Variants in RBFOX1 observed in about 807,000 individuals in gnomAD.
The protein encoded by RBFOX1 is RNA binding fox-1 homolog 1, also known as RNA binding protein fox-1 homolog 1.
A neutral mutation model predicts 57.7 loss-of-function variants in RBFOX1; 8 were observed. The observed-to-expected ratio is 0.14, with a 90% CI of 0.08 to 0.25. The LOEUF (loss-of-function observed/expected upper bound fraction) is 0.25. RBFOX1 is among the 10% of genes least tolerant of loss of function. RBFOX1 has a pLI of 1.00. For missense variants in RBFOX1, 611 were observed against 548.5 expected, an observed-to-expected ratio of 1.11 and a Z score of -1.14; for synonymous variants, 326 against 222.4, an observed-to-expected ratio of 1.47 and a Z score of -4.15.
chr16:6,632,232 C>G (rs17721516), intron 2 of RBFOX1, among the ~76,000 whole-genome samples: 5,426 of 151,980 alleles, frequency 0.036, 152 homozygotes, highest in Non-Finnish European at 0.048. Flanking sequence ...ACTTTAGAGT[C>G]TGTTTTCCCT....
intron 3 of RBFOX1, among the ~76,000 whole-genome samples, chr16:6,884,714 A>T (rs187744789): frequency 1.5e-4 from 23 of 152,300 alleles, no homozygotes; most frequent in African/African-American, 4.6e-4. Context: ...CTTGGGCAAC[A>T]TGACGAAACC....
rs548297161 is a variant in RBFOX1, at chr16:5,539,448, C to T, written c.259-59454C>T. Among the ~76,000 whole-genome samples the T allele has an allele frequency of 1.5e-3, 218 of 147,100 alleles. 1 individual carries two copies. Among genetic ancestry groups the T allele is most frequent in the African/African-American group, 5.0e-3 (201 of 40,584 alleles). The stretch of plus-strand genomic sequence containing the variant: ...TCTCTACTGAAAATACAAAATTAGC[C>T]GGGTGTAGTGGAAAAATACAAAAAA... On this transcript the variant is annotated intron_variant, in intron 2 of 2. Transcript: ENST00000585867.
chr16:7,682,994 C>T (rs375421791), intron 14 of RBFOX1, among the ~76,000 whole-genome samples: 3 of 5,936 alleles, frequency 5.1e-4, no homozygotes, highest in African/African-American at 2.7e-3. Context: ...CTTAATACTT[C>T]TATGTGTGTG....
intron 3 of RBFOX1, among the ~76,000 whole-genome samples, chr16:6,823,706 A>G (rs1238058304): frequency 2.0e-5 from 3 of 151,962 alleles, no homozygotes; most frequent in African/African-American, 7.3e-5. Context: ...TCATTTGTTC[A>G]TTCATTCATT....
At chr16:6,401,000 C>A (rs996408127) in intron 2 of RBFOX1, among the ~76,000 whole-genome samples, 1 of 152,216 alleles carries the variant, frequency 6.6e-6, no homozygotes, top group Admixed American at 6.5e-5. Context: ...TAGAAATACA[C>A]AAAACTTGGA....
At chr16:7,514,443 G>A (rs1190050392) in intron 4 of RBFOX1, among the ~76,000 whole-genome samples, 2 of 152,144 alleles carry the variant, frequency 1.3e-5, no homozygotes, top group East Asian at 1.9e-4. Flanking sequence ...CCATGGAGAT[G>A]GGACAGGGAA....
At chr16:7,688,107 G>C (rs552618132) in intron 14 of RBFOX1, among the ~76,000 whole-genome samples, 1 of 152,152 alleles carries the variant, frequency 6.6e-6, no homozygotes, top group East Asian at 1.9e-4. Context: ...CGTACAGGTA[G>C]AATTGGATTT....
At chr16:6,653,821 A>C (rs2098622110) in intron 2 of RBFOX1, among the ~76,000 whole-genome samples, 1 of 150,378 alleles carries the variant, frequency 6.6e-6, no homozygotes, top group Non-Finnish European at 1.5e-5. Context: ...TGAATGGGAG[A>C]AGGATGCAGG....
intron 4 of RBFOX1, among the ~76,000 whole-genome samples, chr16:7,230,571 C>A (rs746006914): frequency 6.6e-6 from 1 of 152,136 alleles, no homozygotes; most frequent in African/African-American, 2.4e-5. Context: ...GAAAGGAAAG[C>A]AAGGTTCGTT....
intron 1 of RBFOX1, among the ~76,000 whole-genome samples, chr16:6,269,247 C>G (rs1393367090): frequency 6.6e-6 from 1 of 152,024 alleles, no homozygotes; most frequent in Non-Finnish European, 1.5e-5. Flanking sequence ...AGTTGTTATA[C>G]TGTCATTTAA....
chr16:6,835,282 C>G (rs1326012699), intron 3 of RBFOX1, among the ~76,000 whole-genome samples: 12 of 152,100 alleles, frequency 7.9e-5, no homozygotes, highest in Admixed American at 6.5e-4. Flanking sequence ...ATGCGGGTTC[C>G]CTTTCTGCAT....
chr16:6,966,291 G>C (rs1228938231), intron 3 of RBFOX1, among the ~76,000 whole-genome samples: 1 of 152,096 alleles, frequency 6.6e-6, no homozygotes, highest in Non-Finnish European at 1.5e-5. Context: ...CACTCCTGCA[G>C]GCACTGAGGA....
intron 4 of RBFOX1, among the ~76,000 whole-genome samples, chr16:7,160,236 A>G (rs143816042): frequency 2.0e-5 from 3 of 150,908 alleles, no homozygotes; most frequent in East Asian, 2.0e-4. Flanking sequence ...TTTTATGACT[A>G]TGTGCTTTAG....
chr16:6,507,501 T>C (rs2096132066), intron 2 of RBFOX1, among the ~76,000 whole-genome samples: 1 of 35,272 alleles, frequency 2.8e-5, no homozygotes, highest in Non-Finnish European at 7.0e-5. Flanking sequence ...CAAGACCCTA[T>C]CTGTACAAAA....
At position 6,585,504 on chromosome 16, in the gene RBFOX1, G is replaced by A. The variant is rs371505175; in HGVS notation, c.-63-69099G>A. On this transcript the variant is annotated intron_variant, in intron 2 of 15. Transcript: ENST00000550418. ...ATTCAAAAGACATGTTTCAAGTGCC[G>A]TTTTTCATCTTGACATGTTTTGCAA... Among the ~76,000 whole-genome samples the A allele has an allele frequency of 1.2e-4, 18 of 152,232 alleles. No individual in the cohort carries two copies. The East Asian group carries it at 2.7e-3, about 23-fold the overall frequency.
chr16:7,544,655 A>T (rs969192180), intron 5 of RBFOX1, among the ~76,000 whole-genome samples: 1 of 152,142 alleles, frequency 6.6e-6, no homozygotes, highest in African/African-American at 2.4e-5. Context: ...GGTTTAGGCA[A>T]CACCTTGATT....
intron 2 of RBFOX1, among the ~76,000 whole-genome samples, chr16:6,327,342 C>G (rs966379873): frequency 1.3e-5 from 2 of 152,022 alleles, no homozygotes; most frequent in Non-Finnish European, 2.9e-5. Context: ...CTGCTTTTCT[C>G]ACTAATACCA....
intron 1 of RBFOX1, among the ~76,000 whole-genome samples, chr16:5,389,345 A>G (rs1011296260): frequency 6.6e-6 from 1 of 152,052 alleles, no homozygotes; most frequent in African/African-American, 2.4e-5. Flanking sequence ...GGCTCTATGG[A>G]CGTTTGGGGC....
intron 1 of RBFOX1, among the ~76,000 whole-genome samples, chr16:6,068,537 A>C (rs12923014): frequency 0.36 from 55,365 of 151,902 alleles, 10,231 homozygotes; most frequent in Non-Finnish European, 0.41. Flanking sequence ...GATACTCCCC[A>C]GGTATCCACA....
Sources: allele counts gnomAD v4.1 joint callset (sites outside exome capture counted in the v4.1 genomes callset), GRCh38; gene constraint gnomAD v4.1.1; transcripts MANE v1.5; gene names NCBI Gene and HGNC (gene_info 2026-07-23, HGNC 2026-07-21).